SGK1: variants seen among roughly 807,000 people sequenced by gnomAD.
The protein encoded by SGK1 is serum/glucocorticoid regulated kinase 1, also known as serine/threonine-protein kinase Sgk1.
In SGK1, 26 loss-of-function variants were observed where a neutral mutation model predicts 64.2. The ratio of observed to expected loss-of-function variants is 0.40; its 90% CI spans 0.30 to 0.56. The LOEUF (loss-of-function observed/expected upper bound fraction) is 0.56, where lower values mean the gene tolerates loss of function less well. SGK1 is among the 20% of genes least tolerant of loss of function. The pLI, the probability that SGK1 is intolerant of heterozygous loss-of-function variation, is 0.38. For synonymous variants in SGK1, 265 were observed against 239.7 expected, an observed-to-expected ratio of 1.11 and a Z score of -0.98; for missense variants, 519 against 645.6, an observed-to-expected ratio of 0.80 and a Z score of 2.12.
chr6:134,300,887 G>T (rs1363247753), intron 1 of SGK1, among the ~76,000 whole-genome samples: 3 of 152,022 alleles, frequency 2.0e-5, no homozygotes, highest in African/African-American at 7.2e-5. Flanking sequence ...ACCCGCCTCG[G>T]CCTCCCAAAG....
At chr6:134,306,698 A>AT (rs1167147997) in intron 1 of SGK1, among the ~76,000 whole-genome samples, 1 of 151,498 alleles carries the variant, frequency 6.6e-6, no homozygotes, top group Non-Finnish European at 1.5e-5. Flanking sequence ...TAATTTTTTA[A>AT]TTTTTTTGTA....
intron 1 of SGK1, among the ~76,000 whole-genome samples, chr6:134,285,061 G>A (rs545427210): frequency 1.3e-5 from 2 of 152,264 alleles, no homozygotes; most frequent in African/African-American, 2.4e-5. Context: ...CCAGTAGTGG[G>A]ATTGCTGAAT....
At position 134,207,008 on chromosome 6, in the gene SGK1, A is replaced by G. The variant is rs563826917; in HGVS notation, c.361+348T>C. 2.8e-4 allele frequency among the ~76,000 whole-genome samples: 43 copies of G among 151,972 alleles called. 1 individual carries two copies. The East Asian group carries it at 3.1e-3, about 11-fold the overall frequency. On this transcript the variant is annotated intron_variant, in intron 3 of 13. Coordinates refer to ENST00000367858, the MANE Select transcript of SGK1 (RefSeq NM_001143676.3). ...TGGGAGGCCGAGGCGGGCGAATCAC[A>G]AGGTCAGGAGATCGAGACCATCCTG...
chr6:134,282,550 G>A (rs992797171), intron 1 of SGK1, among the ~76,000 whole-genome samples: 13 of 151,572 alleles, frequency 8.6e-5, no homozygotes, highest in African/African-American at 2.9e-4. Context: ...CTACTCGGGA[G>A]TCTGAGGCAG....
chr6:134,221,326 T>C (rs571337070), intron 2 of SGK1, among the ~76,000 whole-genome samples: 1 of 152,230 alleles, frequency 6.6e-6, no homozygotes, highest in Non-Finnish European at 1.5e-5. Context: ...AGAAAAAGTT[T>C]GCTTTATCAA....
chr6:134,191,750 C>G (rs1342847903), intron 3 of SGK1, among the ~76,000 whole-genome samples: 4 of 151,106 alleles, frequency 2.6e-5, no homozygotes, highest in Non-Finnish European at 5.9e-5. Flanking sequence ...CTCACTGCAA[C>G]CTCTGCCTCC....
chr6:134,233,946 T>C (rs1776326762), intron 2 of SGK1, among the ~76,000 whole-genome samples: 1 of 152,196 alleles, frequency 6.6e-6, no homozygotes, highest in Non-Finnish European at 1.5e-5. Context: ...TATAAATTTC[T>C]AGAAATTCAT....
chr6:134,228,645 G>T (rs1776225399), intron 2 of SGK1, among the ~76,000 whole-genome samples: 1 of 152,164 alleles, frequency 6.6e-6, no homozygotes, highest in Admixed American at 6.5e-5. Context: ...CTTGTTGAGT[G>T]AATGAATGAT....
chr6:134,206,383 A>ATTTTTTTTTTT (rs869072819), intron 3 of SGK1, among the ~76,000 whole-genome samples: 6 of 16,616 alleles, frequency 3.6e-4, no homozygotes, highest in Admixed American at 3.1e-3. Context: ...ATATATATAT[A>ATTTTTTTTTTT]TTTTTTTTTT....
intron 1 of SGK1, among the ~76,000 whole-genome samples, chr6:134,263,112 A>T (rs564111846): frequency 6.6e-6 from 1 of 152,276 alleles, no homozygotes; most frequent in South Asian, 2.1e-4. Flanking sequence ...GACCCTTATT[A>T]TTATGATTAT....
chr6:134,281,005 T>C (rs1777085757), intron 1 of SGK1, among the ~76,000 whole-genome samples: 1 of 152,056 alleles, frequency 6.6e-6, no homozygotes. Context: ...AAGGCAGAGG[T>C]TGCAGTGAGC....
At chr6:134,260,379 C>G (rs2114746413) in intron 2 of SGK1, 1 of 138,070 alleles carries the variant, frequency 7.2e-6, no homozygotes, top group Non-Finnish European at 1.6e-5. Context: ...CCCCCACCCC[C>G]CCCAAAAAAA....
chr6:134,300,201 A>G (rs1340276772), intron 1 of SGK1, among the ~76,000 whole-genome samples: 2 of 152,152 alleles, frequency 1.3e-5, no homozygotes, highest in African/African-American at 2.4e-5. Flanking sequence ...GCAGGGAGAA[A>G]GAAGATGGGG....
intron 3 of SGK1, chr6:134,177,700 T>G: frequency 1.2e-6 from 2 of 1,613,976 alleles, no homozygotes; most frequent in Non-Finnish European, 1.7e-6. Context: ...CTTTCATTCT[T>G]CGGGTTGCCC....
At chr6:134,277,337 C>A (rs1167762354) in intron 1 of SGK1, among the ~76,000 whole-genome samples, 2 of 152,002 alleles carry the variant, frequency 1.3e-5, no homozygotes, top group Non-Finnish European at 2.9e-5. Flanking sequence ...AACAAACCAA[C>A]CAACAAACAA....
At position 134,207,485 on chromosome 6, in the gene SGK1, C is replaced by G. The variant is rs1464245781; in HGVS notation, c.286-54G>C. On this transcript the variant is annotated intron_variant, in intron 2 of 13. Transcript: ENST00000367858. ...TATAAAAATGGCTTCATCATTTCAG[C>G]TATTTTAGGCTTATAGTTCTAGAGA... 2.5e-6 allele frequency: 3 copies of G among 1,182,244 alleles called. No homozygotes were observed. In the African/African-American group the frequency reaches 4.5e-5, roughly 18 times the overall value. The allele number at this position is 1,182,244 out of a possible 1,614,324, so 73.2% of individuals were successfully genotyped here.
At position 134,298,436 on chromosome 6, in the gene SGK1, G is replaced by A. The variant is rs529126046; in HGVS notation, c.69+18956C>T. On this transcript the variant is annotated intron_variant, in intron 1 of 13. Coordinates refer to ENST00000367858, the MANE Select transcript of SGK1 (RefSeq NM_001143676.3). Reference sequence around the variant, plus strand: ...TTGATCTTCCCCTTCTTTTGGGTGCGCAGGCCTGGATGTTGGGATCCACCT... The same window carrying A: ...TTGATCTTCCCCTTCTTTTGGGTGCACAGGCCTGGATGTTGGGATCCACCT... 483 of 917,574 alleles carry A rather than the reference G, an allele frequency of 5.3e-4. 2 individuals carry two copies. The highest frequency in any genetic ancestry group is 2.4e-3 in the African/African-American group (147 of 61,754). The allele number at this position is 917,574 out of a possible 1,614,324, so 56.8% of individuals were successfully genotyped here. A position where few individuals can be genotyped will look rare whatever the true frequency, so the allele number is the denominator to read the frequency against.
chr6:134,313,127 G>A (rs1222560330), intron 1 of SGK1, among the ~76,000 whole-genome samples: 1 of 152,130 alleles, frequency 6.6e-6, no homozygotes, highest in African/African-American at 2.4e-5. Flanking sequence ...ACCATGCCCA[G>A]CAATATTAAT....
In SGK1 at chr6:134,202,894, G is replaced by A. The variant is rs1217351552; in HGVS notation, c.361+4462C>T. On this transcript the variant is annotated intron_variant, in intron 3 of 13. Coordinates refer to ENST00000367858, the MANE Select transcript of SGK1 (RefSeq NM_001143676.3). ...AATATAAAAGATGAGGGTAGAGTGG[G>A]GTAGATGCACCTACATTGTTTGCAA... Among the ~76,000 whole-genome samples the A allele has an allele frequency of 2.6e-5, 4 of 152,230 alleles. No homozygotes were observed. In the East Asian group the frequency reaches 7.7e-4, roughly 29 times the overall value.
Sources: allele counts gnomAD v4.1 joint callset (sites outside exome capture counted in the v4.1 genomes callset), GRCh38; gene constraint gnomAD v4.1.1; transcripts MANE v1.5; gene names NCBI Gene and HGNC (gene_info 2026-07-23, HGNC 2026-07-21).